The following PEX5L variants were observed in gnomAD, a reference collection of about 807,000 sequenced individuals.
PEX5L encodes PEX5-related protein.
In PEX5L, 30 loss-of-function variants were observed where a neutral mutation model predicts 84.0. The observed-to-expected ratio is 0.36, with a 90% confidence interval of 0.27 to 0.48. PEX5L has a LOEUF of 0.48. Ranked by LOEUF, PEX5L falls within the 20% of genes least tolerant of loss-of-function variation. PEX5L has a pLI of 0.99. For missense variants in PEX5L, 533 were observed against 754.6 expected, an observed-to-expected ratio of 0.71 and a Z score of 3.44; for synonymous variants, 270 against 283.1, an observed-to-expected ratio of 0.95 and a Z score of 0.46.
chr3:180,004,376 T>G (rs964478008), intron 1 of PEX5L, among the ~76,000 whole-genome samples: 1 of 152,144 alleles, frequency 6.6e-6, no homozygotes, highest in Non-Finnish European at 1.5e-5. Flanking sequence ...TTGGTAAAGT[T>G]TGGAAATAAG....
At chr3:179,840,515 A>G (rs553939952) in intron 8 of PEX5L, among the ~76,000 whole-genome samples, 1 of 152,154 alleles carries the variant, frequency 6.6e-6, no homozygotes, top group Admixed American at 6.5e-5. Flanking sequence ...GCAGGGAAGT[A>G]ATAGGATCTG....
At chr3:179,988,419 T>TAAATAAATAAATAAATAAAA (rs1276669710) in intron 1 of PEX5L, among the ~76,000 whole-genome samples, 7 of 147,040 alleles carry the variant, frequency 4.8e-5, no homozygotes, top group African/African-American at 1.8e-4. Flanking sequence ...AATAAATAAA[T>TAAATAAATAAATAAATAAAA]AAAATAAAAA....
At chr3:180,014,463 C>A (rs1789764277) in intron 1 of PEX5L, among the ~76,000 whole-genome samples, 1 of 144,700 alleles carries the variant, frequency 6.9e-6, no homozygotes, top group Non-Finnish European at 1.5e-5. Context: ...CAGAGCGAGA[C>A]TCCGACTCAA....
chr3:179,851,978 G>A (rs947625475), intron 8 of PEX5L, among the ~76,000 whole-genome samples: 2 of 152,200 alleles, frequency 1.3e-5, no homozygotes, highest in South Asian at 2.1e-4. Flanking sequence ...ATGGTGTTAG[G>A]AATGGAGATG....
chr3:179,833,951 C>T (rs1409997909), intron 8 of PEX5L, among the ~76,000 whole-genome samples: 1 of 152,168 alleles, frequency 6.6e-6, no homozygotes, highest in Non-Finnish European at 1.5e-5. Context: ...CCTTCCACTT[C>T]AGCCTTCCAA....
intron 11 of PEX5L, among the ~76,000 whole-genome samples, chr3:179,811,388 T>C (rs1324726814): frequency 6.6e-6 from 1 of 152,100 alleles, no homozygotes; most frequent in Non-Finnish European, 1.5e-5. Context: ...TCAAGTAGGG[T>C]GTAATATTAC....
chr3:179,837,173 T>C (rs1735270976), intron 8 of PEX5L, among the ~76,000 whole-genome samples: 1 of 152,176 alleles, frequency 6.6e-6, no homozygotes, highest in African/African-American at 2.4e-5. Context: ...AGAAAAAGAA[T>C]TGCTCTGTTC....
At chr3:179,860,177 A>G (rs1437554171) in intron 7 of PEX5L, among the ~76,000 whole-genome samples, 1 of 152,062 alleles carries the variant, frequency 6.6e-6, no homozygotes. Context: ...TGAGGATAAG[A>G]ATCTTGTTTG....
chr3:179,836,474 C>T (rs1174471607), intron 8 of PEX5L, among the ~76,000 whole-genome samples: 2 of 152,142 alleles, frequency 1.3e-5, no homozygotes, highest in Non-Finnish European at 2.9e-5. Flanking sequence ...GCTGAAGTTA[C>T]AGGCCACCAA....
At chr3:179,812,280 C>T (rs1271193476) in intron 10 of PEX5L, among the ~76,000 whole-genome samples, 1 of 152,084 alleles carries the variant, frequency 6.6e-6, no homozygotes, top group Non-Finnish European at 1.5e-5. Context: ...ACAATATTAA[C>T]TTAGCTTGTA....
At position 179,905,433 on chromosome 3, in the gene PEX5L, C is replaced by T. The variant is rs1433579198; in HGVS notation, c.94-7187G>A. On this transcript the variant is annotated intron_variant, in intron 2 of 14. Transcript: ENST00000467460. ...AACTACAGGCGCCCGCCACCACGCC[C>T]GGCTAATTTTTTTGTGTTTTTAGTA... Among the ~76,000 whole-genome samples, 7 of 152,260 alleles carry T rather than the reference C, an allele frequency of 4.6e-5. 1 individual carries two copies. Among genetic ancestry groups the T allele is most frequent in the African/African-American group, 1.4e-4 (6 of 41,552 alleles).
At chr3:180,011,808 C>T (rs1490665125) in intron 1 of PEX5L, among the ~76,000 whole-genome samples, 1 of 152,166 alleles carries the variant, frequency 6.6e-6, no homozygotes, top group Non-Finnish European at 1.5e-5. Flanking sequence ...GAAAGGACAA[C>T]AGACCACATT....
At chr3:179,962,984 C>G (rs1176870798) in intron 2 of PEX5L, among the ~76,000 whole-genome samples, 1 of 152,146 alleles carries the variant, frequency 6.6e-6, no homozygotes, top group Non-Finnish European at 1.5e-5. Context: ...GCTTGAAAGT[C>G]TAGTATTTTT....
intron 10 of PEX5L, among the ~76,000 whole-genome samples, chr3:179,812,374 T>C (rs1724223003): frequency 1.3e-5 from 2 of 152,182 alleles, no homozygotes; most frequent in Admixed American, 6.5e-5. Flanking sequence ...CCATGATGTG[T>C]TCATTCCTCT....
rs1161152583 is a variant in PEX5L at position 179,811,887 on chromosome 3, G to C, written c.1084-16C>G. On this transcript the variant is annotated splice_polypyrimidine_tract_variant and intron_variant, in intron 10 of 14. Transcript: ENST00000467460. ...ACTGCCATGCCTACGAAAGACAACT[G>C]ATGTTAACATTGCAAGATGAAGCAG... 6.2e-7 allele frequency: 1 copy of C among 1,602,608 alleles called. No homozygotes were observed. The highest frequency in any genetic ancestry group is 1.1e-5 in the South Asian group (1 of 90,866).
intron 2 of PEX5L, among the ~76,000 whole-genome samples, chr3:179,955,522 C>T (rs938656986): frequency 7.5e-6 from 1 of 132,926 alleles, no homozygotes; most frequent in Non-Finnish European, 1.6e-5. Context: ...CAGGTGTTAA[C>T]GAAATTCATC....
At chr3:179,954,724 T>C (rs1780059672) in intron 2 of PEX5L, among the ~76,000 whole-genome samples, 1 of 152,164 alleles carries the variant, frequency 6.6e-6, no homozygotes. Flanking sequence ...AATTCTATGT[T>C]TGCTGCTTGA....
intron 8 of PEX5L, among the ~76,000 whole-genome samples, chr3:179,842,892 G>T (rs893122147): frequency 2.6e-5 from 4 of 152,106 alleles, no homozygotes; most frequent in African/African-American, 9.7e-5. Context: ...GTTAGGTAAA[G>T]ATTTGGCAAT....
chr3:180,024,373 T>TATATATATATACATACAC (rs1396023654), intron 1 of PEX5L, among the ~76,000 whole-genome samples: 1 of 79,026 alleles, frequency 1.3e-5, no homozygotes, highest in African/African-American at 9.6e-5. Flanking sequence ...TATATATATA[T>TATATATATATACATACAC]ACACACACAA....
Sources: allele counts gnomAD v4.1 joint callset (sites outside exome capture counted in the v4.1 genomes callset), GRCh38; gene constraint gnomAD v4.1.1; transcripts MANE v1.5; gene names NCBI Gene and HGNC (gene_info 2026-07-23, HGNC 2026-07-21).